The following FBXO15 variants were observed in gnomAD, a reference collection of about 807,000 sequenced individuals.
FBXO15 encodes F-box only protein 15.
A neutral mutation model predicts 49.5 loss-of-function variants in FBXO15; 30 were observed. The observed-to-expected ratio is 0.61, with a 90% CI of 0.45 to 0.82. The LOEUF (loss-of-function observed/expected upper bound fraction) is 0.82. Among genes scored for constraint, FBXO15 ranks in the 40% least tolerant of loss-of-function variants. The pLI, the probability that FBXO15 is intolerant of heterozygous loss-of-function variation, is 0.00. For missense variants in FBXO15, 591 were observed against 631.5 expected (o/e 0.94, Z 0.69); for synonymous variants, 250 against 232.7 (o/e 1.07, Z -0.68).
At chr18:74,102,154 A>G (rs1308912805) in intron 8 of FBXO15, among the ~76,000 whole-genome samples, 1 of 151,906 alleles carries the variant, frequency 6.6e-6, no homozygotes, top group Non-Finnish European at 1.5e-5. Context: ...ACGGCAAAAG[A>G]ACAGTTAGTA....
chr18:74,134,269 A>C (rs1978576480), intron 3 of FBXO15, among the ~76,000 whole-genome samples: 1 of 152,008 alleles, frequency 6.6e-6, no homozygotes, highest in Non-Finnish European at 1.5e-5. Flanking sequence ...CTGAGGGCTT[A>C]TTCTGAGTTC....
At chr18:74,091,515 T>C (rs1913025553) in intron 8 of FBXO15, among the ~76,000 whole-genome samples, 1 of 152,202 alleles carries the variant, frequency 6.6e-6, no homozygotes, top group Non-Finnish European at 1.5e-5. Flanking sequence ...AATGTGTTTT[T>C]GTAGTGGTCA....
intron 5 of FBXO15, among the ~76,000 whole-genome samples, chr18:74,127,254 G>A (rs976246546): frequency 1.3e-5 from 2 of 152,212 alleles, no homozygotes; most frequent in Non-Finnish European, 2.9e-5. Context: ...AAATCTGGCT[G>A]TAGAGGTACT....
intron 1 of FBXO15, chr18:74,147,394 T>C: frequency 1.4e-6 from 1 of 731,964 alleles, no homozygotes; most frequent in Non-Finnish European, 1.8e-6. Flanking sequence ...CTCTTGGACC[T>C]GCACCTGTCC....
chr18:74,122,409 C>T (rs1914513450), intron 8 of FBXO15, among the ~76,000 whole-genome samples: 1 of 152,228 alleles, frequency 6.6e-6, no homozygotes, highest in South Asian at 2.1e-4. Context: ...TAAGCATTTG[C>T]TCTGCCTTTA....
At chr18:74,091,374 G>A (rs1170844405) in intron 8 of FBXO15, among the ~76,000 whole-genome samples, 1 of 151,850 alleles carries the variant, frequency 6.6e-6, no homozygotes, top group Non-Finnish European at 1.5e-5. Context: ...CTTTTAATTG[G>A]GCTATTTAGC....
At chr18:74,117,667 G>A (rs1199751131) in intron 8 of FBXO15, among the ~76,000 whole-genome samples, 1 of 152,126 alleles carries the variant, frequency 6.6e-6, no homozygotes, top group Admixed American at 6.5e-5. Flanking sequence ...AACATGGGGA[G>A]GTGAAAGTAC....
rs1568152505 is a variant in FBXO15, at chr18:74,075,563, G to T, written c.1264-1833C>A. Among the ~76,000 whole-genome samples the T allele has an allele frequency of 1.3e-5, 2 of 152,188 alleles. No homozygotes were observed. The highest frequency in any genetic ancestry group is 2.9e-5 in the Non-Finnish European group (2 of 68,040). ...CCCAGACAACCCTCTCCAAAGAGCT[G>T]TCTCCGCTGGATTTGTCCATTAATA... is the stretch of plus-strand genomic sequence containing the variant. On this transcript the variant is annotated intron_variant, in intron 9 of 9. Transcript: ENST00000419743. This position sits in a 1 kb window ranked among gnomAD's most constrained non-coding sequence, Gnocchi z 4.1.
chr18:74,130,514 G>C lies in FBXO15; in HGVS notation c.477C>G (p.Ile159Met). Reference protein sequence around the residue: ...KEAGYWKKEYITKQIASVKAA... With the variant: ...KEAGYWKKEYMTKQIASVKAA... Reference sequence around the variant, plus strand: ...CTTTTACAGATGCTATTTGTTTTGTGATATATTCTTTCTTCCAATAACCAG... The same window carrying C: ...CTTTTACAGATGCTATTTGTTTTGTCATATATTCTTTCTTCCAATAACCAG... The change falls in exon 4 of 10, where the codon ATC (isoleucine) becomes ATG (methionine). Residue 159 changes from isoleucine to methionine, a missense_variant. Ile to Met is a conservative substitution (Grantham distance 10). Transcript: ENST00000419743. 6.2e-7 allele frequency: 1 copy of C among 1,614,140 alleles called. No homozygotes were observed. Among genetic ancestry groups the C allele is most frequent in the Non-Finnish European group, 8.5e-7 (1 of 1,180,004 alleles).
chr18:74,083,094 C>A (rs1324997241), intron 8 of FBXO15, among the ~76,000 whole-genome samples: 1 of 152,192 alleles, frequency 6.6e-6, no homozygotes, highest in Non-Finnish European at 1.5e-5. Flanking sequence ...TGAAAGAGGA[C>A]GCAGAGGCAG....
At chr18:74,129,283 G>A (rs1323995319) in intron 5 of FBXO15, 122 bp downstream of exon 5, 2 of 795,456 alleles carry the variant, frequency 2.5e-6, no homozygotes, top group Non-Finnish European at 3.9e-6. Context: ...AATGCAGAAT[G>A]TACATTTAAT....
At chr18:74,110,447 G>A (rs1479357099) in intron 8 of FBXO15, among the ~76,000 whole-genome samples, 3 of 151,736 alleles carry the variant, frequency 2.0e-5, no homozygotes, top group Non-Finnish European at 2.9e-5. Flanking sequence ...CATATAAAAT[G>A]CTCAATTAAA....
At chr18:74,105,661 T>C (rs1913723417) in intron 8 of FBXO15, among the ~76,000 whole-genome samples, 1 of 152,022 alleles carries the variant, frequency 6.6e-6, no homozygotes, top group South Asian at 2.1e-4. Context: ...TTGGTCAGGC[T>C]GGTCTCAAAC....
At chr18:74,079,653 G>A (rs1162061291) in intron 9 of FBXO15, among the ~76,000 whole-genome samples, 1 of 152,080 alleles carries the variant, frequency 6.6e-6, no homozygotes, top group Non-Finnish European at 1.5e-5. Context: ...GATTTTTAAA[G>A]AATTTTAAAG....
intron 8 of FBXO15, among the ~76,000 whole-genome samples, chr18:74,087,268 C>T (rs765428456): frequency 1.3e-5 from 2 of 152,024 alleles, no homozygotes; most frequent in Non-Finnish European, 2.9e-5. Flanking sequence ...TTCGGGTGTG[C>T]ATGTGGAGGT....
intron 8 of FBXO15, chr18:74,122,560 CACTAGATGAAAG>C (rs1914519566): frequency 6.6e-6 from 1 of 152,028 alleles, no homozygotes; most frequent in South Asian, 2.1e-4. Flanking sequence ...GTGTCAAGTC[CACTAGATGAAAG>C]ACTTTGGAGG....
intron 2 of FBXO15, among the ~76,000 whole-genome samples, chr18:74,138,999 CCACCTGATGGGCTCCCCGA>C (rs1978896527): frequency 6.6e-6 from 1 of 152,104 alleles, no homozygotes; most frequent in African/African-American, 2.4e-5. Context: ...CCTGGTAGCC[CCACCTGATGGGCTCCCCGA>C]CCCCCACACT....
chr18:74,120,470 A>G (rs541479916), intron 8 of FBXO15, among the ~76,000 whole-genome samples: 5 of 152,350 alleles, frequency 3.3e-5, no homozygotes, highest in East Asian at 1.9e-4. Context: ...AATACAAAGC[A>G]TATTTCCTGA....
chr18:74,097,086 C>T (rs1453012306), intron 8 of FBXO15: 1 of 152,248 alleles, frequency 6.6e-6, no homozygotes, highest in Admixed American at 6.5e-5. Context: ...GCCCTGTGGG[C>T]TCTCTGGATC....
Sources: allele counts gnomAD v4.1 joint callset (sites outside exome capture counted in the v4.1 genomes callset), GRCh38; gene constraint gnomAD v4.1.1; non-coding constraint Gnocchi (gnomAD v3.1); transcripts MANE v1.5; gene names NCBI Gene and HGNC (gene_info 2026-07-23, HGNC 2026-07-21).